The following ANKRD33B variants were observed in gnomAD, a reference collection of about 807,000 sequenced individuals.
The protein encoded by ANKRD33B is ankyrin repeat domain 33B.
In ANKRD33B, 6 loss-of-function variants were observed where a neutral mutation model predicts 21.5. The ratio of observed to expected loss-of-function variants is 0.28; its 90% CI spans 0.15 to 0.55. ANKRD33B has a LOEUF of 0.55. Ranked by LOEUF, ANKRD33B falls within the 20% of genes least tolerant of loss-of-function variation. ANKRD33B has a pLI of 0.94. For synonymous variants in ANKRD33B, 347 were observed against 342.4 expected (o/e 1.01, Z -0.15); for missense variants, 698 against 747.2 (o/e 0.93, Z 0.77).
intron 2 of ANKRD33B, among the ~76,000 whole-genome samples, chr5:10,629,296 C>CT (rs1011299829): frequency 2.6e-5 from 4 of 152,008 alleles, no homozygotes; most frequent in Non-Finnish European, 4.4e-5. Flanking sequence ...GAAATTTAAA[C>CT]TTTTTTTTGT....
chr5:10,593,683 G>GA (rs1177154536), intron 1 of ANKRD33B, among the ~76,000 whole-genome samples: 4 of 151,814 alleles, frequency 2.6e-5, no homozygotes, highest in Non-Finnish European at 5.9e-5. Flanking sequence ...CTCCCGGGCA[G>GA]GGGGGCTAAC....
rs1735322836 is a variant in ANKRD33B at position 10,576,393 on chromosome 5, A to C, written c.366+11560A>C. Among the ~76,000 whole-genome samples the C allele has an allele frequency of 6.6e-6, 1 of 152,164 alleles. No individual in the cohort carries two copies. Among genetic ancestry groups the C allele is most frequent in the African/African-American group, 2.4e-5 (1 of 41,438 alleles). On this transcript the variant is annotated intron_variant, in intron 1 of 3. Transcript: ENST00000296657. This position sits in a 1 kb window ranked among gnomAD's most constrained non-coding sequence, Gnocchi z 4.1. ...CCAAATGCAGGATCTCAGGCCCCTG[A>C]GAATCTGCATTTCAAGGTCCTGAGA...
chr5:10,598,651 A>G (rs1337563730), intron 1 of ANKRD33B, among the ~76,000 whole-genome samples: 1 of 152,054 alleles, frequency 6.6e-6, no homozygotes, highest in Admixed American at 6.6e-5. Flanking sequence ...TGTTGCACAG[A>G]CTGGTCTTGG....
chr5:10,595,379 C>T (rs1466193980), intron 1 of ANKRD33B, among the ~76,000 whole-genome samples: 2 of 152,162 alleles, frequency 1.3e-5, no homozygotes, highest in Non-Finnish European at 2.9e-5. Context: ...GCCACGCTCC[C>T]TCTGGCAGAG....
intron 1 of ANKRD33B, among the ~76,000 whole-genome samples, chr5:10,594,221 CT>C (rs10658307): frequency 0.11 from 9,269 of 83,012 alleles, 261 homozygotes; most frequent in African/African-American, 0.23. Context: ...ACACATCCTT[CT>C]TTTTTTTTTT....
chr5:10,637,498 GGAGA>G (rs536884646), intron 2 of ANKRD33B, among the ~76,000 whole-genome samples: 91 of 144,490 alleles, frequency 6.3e-4, no homozygotes, highest in South Asian at 5.8e-3. Flanking sequence ...GGGTAAGGGT[GGAGA>G]GAGAGACTCC....
chr5:10,640,413 G>A (rs758894986), intron 3 of ANKRD33B, among the ~76,000 whole-genome samples: 1 of 152,152 alleles, frequency 6.6e-6, no homozygotes, highest in Non-Finnish European at 1.5e-5. Flanking sequence ...CACTCCTAGA[G>A]GCTATCCAGC....
chr5:10,609,735 C>G (rs1274752587), intron 1 of ANKRD33B, among the ~76,000 whole-genome samples: 2 of 152,188 alleles, frequency 1.3e-5, no homozygotes, highest in East Asian at 3.9e-4. Flanking sequence ...GTGGTGAAAC[C>G]CCATTTCTAC....
rs1214127664 is a variant in ANKRD33B at position 10,580,136 on chromosome 5, C to A, written c.366+15303C>A. 2.0e-5 allele frequency among the ~76,000 whole-genome samples: 3 copies of A among 152,234 alleles called. No homozygotes were observed. In the East Asian group the frequency reaches 5.8e-4, roughly 29 times the overall value. On this transcript the variant is annotated intron_variant, in intron 1 of 3. Coordinates refer to ENST00000296657, the MANE Select transcript of ANKRD33B (RefSeq NM_001164440.2). ...TCAGTAAGAGAGTAGGACAATCACTCCACCACCAGGAGTGGCTGCCACATG... is the reference window on the plus strand; with the variant it reads ...TCAGTAAGAGAGTAGGACAATCACTACACCACCAGGAGTGGCTGCCACATG...
At chr5:10,586,043 A>G (rs1240700353) in intron 1 of ANKRD33B, among the ~76,000 whole-genome samples, 1 of 152,128 alleles carries the variant, frequency 6.6e-6, no homozygotes, top group Non-Finnish European at 1.5e-5. Flanking sequence ...AAGACCCTGA[A>G]TTCTATGTTC....
intron 2 of ANKRD33B, among the ~76,000 whole-genome samples, chr5:10,635,447 G>A (rs997986981): frequency 6.6e-6 from 1 of 152,246 alleles, no homozygotes; most frequent in African/African-American, 2.4e-5. Flanking sequence ...GGAGAGCAAT[G>A]TGGTGTAAAT....
intron 2 of ANKRD33B, among the ~76,000 whole-genome samples, chr5:10,630,144 A>G (rs761937902): frequency 6.6e-5 from 10 of 152,326 alleles, no homozygotes; most frequent in Non-Finnish European, 1.3e-4. Flanking sequence ...TTGCTGTGTA[A>G]CAAACAACTC....
intron 2 of ANKRD33B, among the ~76,000 whole-genome samples, chr5:10,626,645 C>T (rs11741626): frequency 0.5 from 75,448 of 152,050 alleles, 18,983 homozygotes; most frequent in East Asian, 0.66. Flanking sequence ...ATACATTCGC[C>T]TTTTCCTTCA....
intron 1 of ANKRD33B, among the ~76,000 whole-genome samples, chr5:10,609,824 G>A (rs747786480): frequency 2.6e-5 from 4 of 152,114 alleles, no homozygotes; most frequent in African/African-American, 4.8e-5. Flanking sequence ...TGGGAGAATC[G>A]CTTGAACCCA....
intron 1 of ANKRD33B, among the ~76,000 whole-genome samples, chr5:10,616,954 G>A (rs958284342): frequency 6.6e-6 from 1 of 152,222 alleles, no homozygotes; most frequent in African/African-American, 2.4e-5. Flanking sequence ...CCAGGATCAG[G>A]GCGCTAGCAT....
rs1315572447 is a variant in ANKRD33B, at chr5:10,656,240, AAC to A, written c.*6133_*6134del. ...GTTTTTGAAAGAGACAGGAAAAAGA[AAC>A]ACACAGTACCTGGATTGTTTTGACT... On this transcript the variant is annotated 3_prime_UTR_variant, in exon 4 of 4. Transcript: ENST00000296657. The A allele has an allele frequency of 1.3e-5, 2 of 152,356 alleles. No individual in the cohort carries two copies. The highest frequency in any genetic ancestry group is 1.3e-4 in the Admixed American group (2 of 15,280). 9.4% of individuals were successfully genotyped at this position (152,356 alleles called of 1,614,324 possible). A position where few individuals can be genotyped will look rare whatever the true frequency, so the allele number is the denominator to read the frequency against.
At chr5:10,577,091 T>TC (rs986911644) in intron 1 of ANKRD33B, among the ~76,000 whole-genome samples, 2 of 151,106 alleles carry the variant, frequency 1.3e-5, no homozygotes, top group African/African-American at 4.9e-5. Context: ...CCTTTCCCTT[T>TC]CCCTTCCCCT....
In ANKRD33B at chr5:10,657,548, GT is replaced by G. The variant is rs1737521718; in HGVS notation, c.*7438del. 3.9e-5 allele frequency: 6 copies of G among 152,382 alleles called. No individual in the cohort carries two copies. The highest frequency in any genetic ancestry group is 4.1e-4 in the South Asian group (2 of 4,826). 9.4% of individuals were successfully genotyped at this position (152,382 alleles called of 1,614,324 possible). On this transcript the variant is annotated 3_prime_UTR_variant, in exon 4 of 4. Coordinates refer to ENST00000296657, the MANE Select transcript of ANKRD33B (RefSeq NM_001164440.2). ...ATTTTGAGGTGAGAGTTTTGTTATA[GT>G]TTATAAAAGATATTTTCCTATTCAG...
chr5:10,565,111 G>C (rs75182966), intron 1 of ANKRD33B, among the ~76,000 whole-genome samples: 5,572 of 152,318 alleles, frequency 0.037, 372 homozygotes, highest in African/African-American at 0.13. Flanking sequence ...CTCGTTTACC[G>C]GTCCCCGTGG....
Sources: gnomAD v4.1 joint callset for allele counts (sites outside exome capture counted in the v4.1 genomes callset) on GRCh38, gnomAD v4.1.1 for gene constraint, Gnocchi (gnomAD v3.1) non-coding constraint, MANE v1.5 for transcripts, NCBI Gene and HGNC (gene_info 2026-07-23, HGNC 2026-07-21) for gene names.